Variants in ADGRV1 observed in about 807,000 individuals in gnomAD.
ADGRV1 encodes the protein adhesion G protein-coupled receptor V1.
In ADGRV1, 359 loss-of-function variants were observed where a neutral mutation model predicts 596.2. The ratio of observed to expected loss-of-function variants is 0.60; its 90% CI spans 0.55 to 0.66. The LOEUF (loss-of-function observed/expected upper bound fraction) is 0.66. ADGRV1 is among the 30% of genes least tolerant of loss of function. ADGRV1 has a pLI of 0.00. For missense variants in ADGRV1, 7,274 were observed against 7,575.6 expected (o/e 0.96, Z 1.48); for synonymous variants, 2,681 against 2,679.2 (o/e 1.00, Z -0.02).
At chr5:91,117,888 A>G (rs1792990862) in intron 87 of ADGRV1, among the ~76,000 whole-genome samples, 1 of 152,192 alleles carries the variant, frequency 6.6e-6, no homozygotes, top group Admixed American at 6.5e-5. Context: ...CCTTAGGACT[A>G]GGACTGTTGA....
chr5:90,911,387 C>T (rs762518766), intron 83 of ADGRV1, among the ~76,000 whole-genome samples: 2 of 152,248 alleles, frequency 1.3e-5, no homozygotes, highest in Non-Finnish European at 2.9e-5. Context: ...CTAATGTAAA[C>T]ACACTGATCC....
chr5:90,653,806 C>A lies in ADGRV1; in HGVS notation c.4232C>A (p.Ala1411Asp), dbSNP rs1425057142. 6.2e-7 allele frequency: 1 copy of A among 1,613,414 alleles called. No individual in the cohort carries two copies. The highest frequency in any genetic ancestry group is 1.1e-5 in the South Asian group (1 of 90,946). Residue 1411 changes from alanine to aspartate, a missense_variant, in exon 20 of 90, where the codon GCC becomes GAC. Coordinates refer to ENST00000405460, the MANE Select transcript of ADGRV1 (RefSeq NM_032119.4). ...TTGGGTTCCAATGCTACATACATTG[C>A]CAAGACAACAGTCATGAAATATTTA... The part of the protein sequence containing the change: ...KTLGSNATYI[A>D]KTTVMKYLEE...
intron 87 of ADGRV1, among the ~76,000 whole-genome samples, chr5:91,115,950 C>T (rs1233172967): frequency 6.6e-6 from 1 of 151,300 alleles, no homozygotes; most frequent in African/African-American, 2.4e-5. Context: ...CCATCTAAAA[C>T]AACAACAACA....
intron 83 of ADGRV1, among the ~76,000 whole-genome samples, chr5:90,934,269 A>T (rs543636235): frequency 6.6e-5 from 10 of 151,924 alleles, no homozygotes; most frequent in African/African-American, 2.2e-4. Flanking sequence ...CCTTATCTTC[A>T]TTCTGCTTAT....
intron 87 of ADGRV1, among the ~76,000 whole-genome samples, chr5:91,120,912 G>T (rs1215143018): frequency 6.6e-6 from 1 of 152,186 alleles, no homozygotes; most frequent in Non-Finnish European, 1.5e-5. Context: ...TATGGCTCAC[G>T]CCTGTAATCC....
chr5:90,643,856 G>T lies in ADGRV1; in HGVS notation c.2607G>T (p.Lys869Asn), dbSNP rs911139835. 1 of 1,611,306 alleles carries T rather than the reference G, an allele frequency of 6.2e-7. No homozygotes were observed. The highest frequency in any genetic ancestry group is 8.5e-7 in the Non-Finnish European group (1 of 1,178,440). Residue 869 changes from lysine (K) to asparagine (N), a missense_variant, in exon 14 of 90, where the codon AAG becomes AAT. By Grantham distance (94) the Lys-to-Asn change is moderately conservative. This residue lies in a region of ADGRV1 where 1,715 missense variants were observed against 1,708.8 expected (regional missense o/e 1.00). Transcript: ENST00000405460. ...GCAGCCACGGAGAACGGGAAAGCAAGTTGGGAAGTGCCACCATTGTCAATA... is the reference window on the plus strand; with the variant it reads ...GCAGCCACGGAGAACGGGAAAGCAATTTGGGAAGTGCCACCATTGTCAATA... ...VLSSHGERES[K>N]LGSATIVNIT... is the part of the protein sequence containing the mutation.
chr5:90,930,189 G>A (rs539434698), intron 83 of ADGRV1, among the ~76,000 whole-genome samples: 1 of 152,088 alleles, frequency 6.6e-6, no homozygotes, highest in African/African-American at 2.4e-5. Context: ...TGATTTTGCT[G>A]CAACAGCCTC....
At chr5:90,822,320 C>G (rs925528324) in intron 75 of ADGRV1, 2 of 153,362 alleles carry the variant, frequency 1.3e-5, no homozygotes, top group Admixed American at 6.5e-5. Flanking sequence ...CTGTCTGGCA[C>G]TCCCTAGTGA....
intron 65 of ADGRV1, among the ~76,000 whole-genome samples, chr5:90,782,177 T>C (rs1312401395): frequency 1.3e-5 from 2 of 152,154 alleles, no homozygotes; most frequent in South Asian, 4.1e-4. Context: ...AAAATAAATA[T>C]CTTACTGCTG....
chr5:90,670,486 G>A (rs1772297431), intron 21 of ADGRV1, among the ~76,000 whole-genome samples: 3 of 152,210 alleles, frequency 2.0e-5, no homozygotes, highest in Admixed American at 2.0e-4. Context: ...TGTTTGGGGA[G>A]AAGTCATGTG....
At chr5:91,131,925 G>T (rs1794250901) in intron 87 of ADGRV1, among the ~76,000 whole-genome samples, 1 of 151,960 alleles carries the variant, frequency 6.6e-6, no homozygotes, top group Admixed American at 6.6e-5. Flanking sequence ...TTTGTAGTTT[G>T]GGAGTTTTAC....
chr5:91,035,861 T>TAATATATATAATATATATAATA lies in ADGRV1; in HGVS notation c.18153-36586_18153-36585insAATATATATAATATATATAATA. Among the ~76,000 whole-genome samples, 15 of 96,402 alleles carry TAATATATATAATATATATAATA rather than the reference T, an allele frequency of 1.6e-4. No individual in the cohort carries two copies. In the East Asian group the frequency reaches 2.5e-3, roughly 16 times the overall value. 63.2% of individuals were successfully genotyped at this position (96,402 alleles called of 152,430 possible). A position where few individuals can be genotyped will look rare whatever the true frequency, so the allele number is the denominator to read the frequency against. On this transcript the variant is annotated intron_variant, in intron 85 of 89. Coordinates refer to ENST00000405460, the MANE Select transcript of ADGRV1 (RefSeq NM_032119.4). ...ATGAGTGTGTATATATATATATATATTATATATATATATATATATATCTTA... is the reference window on the plus strand; with the variant it reads ...ATGAGTGTGTATATATATATATATATAATATATATAATATATATAATATATATATATATATATATATATCTTA...
intron 75 of ADGRV1, among the ~76,000 whole-genome samples, chr5:90,816,487 T>G (rs904106615): frequency 2.6e-5 from 4 of 151,956 alleles, no homozygotes; most frequent in African/African-American, 9.7e-5. Context: ...TGTACACATG[T>G]GCCATGTTGG....
chr5:90,759,187 A>G (rs951421222), intron 57 of ADGRV1, among the ~76,000 whole-genome samples: 1 of 152,230 alleles, frequency 6.6e-6, no homozygotes, highest in African/African-American at 2.4e-5. Flanking sequence ...TTAAAATGCC[A>G]TAAATATACA....
chr5:90,880,263 A>G (rs906036386), intron 83 of ADGRV1, among the ~76,000 whole-genome samples: 2 of 152,176 alleles, frequency 1.3e-5, no homozygotes, highest in African/African-American at 4.8e-5. Context: ...CTAAATTACA[A>G]ACACAGGTGT....
intron 29 of ADGRV1, among the ~76,000 whole-genome samples, chr5:90,687,153 T>C (rs576122579): frequency 1.3e-5 from 2 of 152,216 alleles, no homozygotes; most frequent in Non-Finnish European, 2.9e-5. Context: ...TTCTCACATT[T>C]TGTAAGTTGC....
chr5:90,626,232 T>G (rs1208735410), intron 6 of ADGRV1: 2 of 152,108 alleles, frequency 1.3e-5, no homozygotes, highest in Admixed American at 6.5e-5. Context: ...TTAGAAGACA[T>G]TATTAGAAAA....
At chr5:90,806,829 G>A (rs1761944010) in intron 72 of ADGRV1, among the ~76,000 whole-genome samples, 1 of 151,902 alleles carries the variant, frequency 6.6e-6, no homozygotes, top group Admixed American at 6.6e-5. Flanking sequence ...TAAACTCACT[G>A]ACTAGATTTA....
intron 1 of ADGRV1, among the ~76,000 whole-genome samples, chr5:90,576,636 G>C (rs1002325648): frequency 6.6e-6 from 1 of 152,128 alleles, no homozygotes; most frequent in Non-Finnish European, 1.5e-5. Context: ...CCCACTAATG[G>C]GATCACTGGG....
Sources: gnomAD v4.1 joint callset for allele counts (sites outside exome capture counted in the v4.1 genomes callset) on GRCh38, gnomAD v4.1.1 for gene constraint, gnomAD v4.1.1 regional missense constraint, MANE v1.5 for transcripts, NCBI Gene and HGNC (gene_info 2026-07-23, HGNC 2026-07-21) for gene names.